CFAP299: variants seen among roughly 807,000 people sequenced by gnomAD.
CFAP299 encodes the protein cilia- and flagella-associated protein 299.
Under a neutral mutation model 27.0 loss-of-function variants are expected in CFAP299, and 21 were observed. The ratio of observed to expected loss-of-function variants is 0.78; its 90% CI spans 0.55 to 1.12. The LOEUF is 1.12. CFAP299 is among the 50% of genes most tolerant of loss of function. CFAP299 has a pLI of 0.00. For missense variants in CFAP299, 310 were observed against 276.6 expected (o/e 1.12, Z -0.86); for synonymous variants, 104 against 98.1 (o/e 1.06, Z -0.36).
At chr4:80,337,590 G>T (rs1369007757) in intron 1 of CFAP299, among the ~76,000 whole-genome samples, 2 of 151,768 alleles carry the variant, frequency 1.3e-5, no homozygotes, top group African/African-American at 4.8e-5. Context: ...CAGAGACAGG[G>T]TTTCACCATG....
At chr4:80,950,216 G>T (rs1469598911) in intron 5 of CFAP299, among the ~76,000 whole-genome samples, 1 of 151,884 alleles carries the variant, frequency 6.6e-6, no homozygotes, top group Non-Finnish European at 1.5e-5. Context: ...ACACAAGTGA[G>T]CTGGATGGAT....
At chr4:80,907,897 C>T (rs1282698987) in intron 4 of CFAP299, among the ~76,000 whole-genome samples, 1 of 152,132 alleles carries the variant, frequency 6.6e-6, no homozygotes. Context: ...ACATTGAGTT[C>T]ACCAAGAGCA....
chr4:80,590,737 A>G (rs986396845), intron 3 of CFAP299, among the ~76,000 whole-genome samples: 2 of 152,230 alleles, frequency 1.3e-5, no homozygotes, highest in African/African-American at 2.4e-5. Context: ...AAACATTTTT[A>G]TGATCATACT....
intron 2 of CFAP299, among the ~76,000 whole-genome samples, chr4:80,434,181 C>G (rs1285343005): frequency 6.6e-6 from 1 of 152,086 alleles, no homozygotes; most frequent in Non-Finnish European, 1.5e-5. Flanking sequence ...CAACTTAATT[C>G]TTATTGTTGT....
chr4:80,483,618 T>G (rs546787768), intron 2 of CFAP299, among the ~76,000 whole-genome samples: 20 of 152,254 alleles, frequency 1.3e-4, no homozygotes, highest in Admixed American at 1.1e-3. Flanking sequence ...ATGAAAATAT[T>G]TAAGAAAATT....
intron 3 of CFAP299, among the ~76,000 whole-genome samples, chr4:80,617,206 A>T (rs1482254013): frequency 6.6e-6 from 1 of 152,140 alleles, no homozygotes; most frequent in South Asian, 2.1e-4. Context: ...GCCCTTGGAG[A>T]TGTAACAGGA....
chr4:80,390,868 C>T lies in CFAP299; in HGVS notation c.242+27984C>T, dbSNP rs1466575870. Among the ~76,000 whole-genome samples the T allele has an allele frequency of 4.8e-5, 5 of 104,410 alleles. No homozygotes were observed. The East Asian group carries it at 1.1e-3, about 22-fold the overall frequency. 68.5% of individuals were successfully genotyped at this position (104,410 alleles called of 152,430 possible). ...ACACATATATGTATATGTATATGCGCACATATATGTATATATGTATATACA... is the reference window on the plus strand; with the variant it reads ...ACACATATATGTATATGTATATGCGTACATATATGTATATATGTATATACA... On this transcript the variant is annotated intron_variant, in intron 2 of 5. Transcript: ENST00000358105.
intron 2 of CFAP299, among the ~76,000 whole-genome samples, chr4:80,542,100 C>A (rs773110970): frequency 1.3e-5 from 2 of 152,034 alleles, no homozygotes; most frequent in Non-Finnish European, 2.9e-5. Context: ...TTTCTTTTGC[C>A]CTTGTTCATC....
chr4:80,614,301 A>C (rs1328825071), intron 3 of CFAP299, among the ~76,000 whole-genome samples: 3 of 152,218 alleles, frequency 2.0e-5, no homozygotes, highest in African/African-American at 7.2e-5. Context: ...TATGTTCCTG[A>C]AAGTGTCCTA....
chr4:80,827,888 C>A (rs1730072181), intron 3 of CFAP299, among the ~76,000 whole-genome samples: 1 of 151,964 alleles, frequency 6.6e-6, no homozygotes, highest in Non-Finnish European at 1.5e-5. Context: ...ATATCCGTTG[C>A]ATTTCTGTAC....
At chr4:80,508,972 C>G (rs1732164265) in intron 2 of CFAP299, among the ~76,000 whole-genome samples, 1 of 152,048 alleles carries the variant, frequency 6.6e-6, no homozygotes, top group African/African-American at 2.4e-5. Context: ...TTTTTTGGCT[C>G]AGAACTATAG....
intron 3 of CFAP299, among the ~76,000 whole-genome samples, chr4:80,784,520 T>A (rs2110094074): frequency 6.6e-6 from 1 of 152,168 alleles, no homozygotes; most frequent in East Asian, 1.9e-4. Flanking sequence ...TTTTCTTTTC[T>A]TTCTTTCTTT....
chr4:80,481,333 A>T (rs1730557755), intron 2 of CFAP299, among the ~76,000 whole-genome samples: 2 of 152,102 alleles, frequency 1.3e-5, no homozygotes, highest in African/African-American at 4.8e-5. Flanking sequence ...ATCTCCCTAA[A>T]TGCATAGCAA....
intron 3 of CFAP299, among the ~76,000 whole-genome samples, chr4:80,672,569 A>G (rs1467773396): frequency 1.3e-5 from 2 of 152,220 alleles, no homozygotes; most frequent in African/African-American, 2.4e-5. Context: ...GAATAGTTTC[A>G]GAAGGAATGG....
At chr4:80,595,724 A>G (rs1737026520) in intron 3 of CFAP299, among the ~76,000 whole-genome samples, 1 of 152,240 alleles carries the variant, frequency 6.6e-6, no homozygotes, top group East Asian at 1.9e-4. Flanking sequence ...AGTGTCTTTG[A>G]AAGAATGCTG....
chr4:80,593,239 T>C (rs1300546176), intron 3 of CFAP299, among the ~76,000 whole-genome samples: 2 of 152,204 alleles, frequency 1.3e-5, no homozygotes, highest in Non-Finnish European at 2.9e-5. Context: ...ACTGTCTTCA[T>C]TGCAGTTAAG....
At chr4:80,909,873 T>C (rs1186492945) in intron 4 of CFAP299, among the ~76,000 whole-genome samples, 1 of 152,168 alleles carries the variant, frequency 6.6e-6, no homozygotes, top group Non-Finnish European at 1.5e-5. Flanking sequence ...TTTTTAATGG[T>C]TAAATTTAGC....
intron 2 of CFAP299, among the ~76,000 whole-genome samples, chr4:80,495,455 T>A (rs1495490): frequency 0.25 from 38,252 of 151,946 alleles, 6,230 homozygotes; most frequent in African/African-American, 0.47. Flanking sequence ...TAGAAAAAGG[T>A]TTTTTAAATT....
At position 80,602,318 on chromosome 4, in the gene CFAP299, A is replaced by T. The variant is rs146477040; in HGVS notation, c.333+19135A>T. On this transcript the variant is annotated intron_variant, in intron 3 of 5. Coordinates refer to ENST00000358105, the MANE Select transcript of CFAP299 (RefSeq NM_152770.3). ...CTTTTTAATGCCAGGCTACTTGTCA[A>T]GAATGCTTGCAATCACTTCAGTTGT... Among the ~76,000 whole-genome samples, 1,031 of 152,324 alleles carry T rather than the reference A, an allele frequency of 6.8e-3. 13 individuals carry two copies. The highest frequency in any genetic ancestry group is 0.024 in the African/African-American group (990 of 41,578).
Sources: allele counts gnomAD v4.1 joint callset (sites outside exome capture counted in the v4.1 genomes callset), GRCh38; gene constraint gnomAD v4.1.1; transcripts MANE v1.5; gene names NCBI Gene and HGNC (gene_info 2026-07-23, HGNC 2026-07-21).